Variants in B9D1 observed in about 807,000 individuals in gnomAD.
B9D1 encodes the protein B9 domain-containing protein 1.
A neutral mutation model predicts 26.1 loss-of-function variants in B9D1; 20 were observed. The observed-to-expected ratio is 0.77, with a 90% CI of 0.54 to 1.12. The LOEUF (loss-of-function observed/expected upper bound fraction) is 1.12. B9D1 is among the 50% of genes most tolerant of loss of function. The pLI, the probability that B9D1 is intolerant of heterozygous loss-of-function variation, is 0.00. For missense variants in B9D1, 260 were observed against 273.7 expected (o/e 0.95, Z 0.35); for synonymous variants, 105 against 103.1 (o/e 1.02, Z -0.11).
Position 19,343,868 on chromosome 17 carries a change from A to G in B9D1, c.405-11T>C. 6.2e-7 allele frequency: 1 copy of G among 1,613,834 alleles called. No individual in the cohort carries two copies. ...CGCCCCATGAACCAGCTGGGAACAC[A>G]GAAGAACACAGGTGAGCAGGGCCCC... On this transcript the variant is annotated splice_polypyrimidine_tract_variant and intron_variant, in intron 5 of 6. Transcript: ENST00000261499.
chr17:19,337,857 T>G, downstream of B9D1: 3 of 363,260 alleles, frequency 8.3e-6, no homozygotes, highest in Non-Finnish European at 1.8e-5. Flanking sequence ...TCGGCCCCCA[T>G]CCAGATGTGG....
intron 3 of B9D1, among the ~76,000 whole-genome samples, chr17:19,348,269 G>A (rs1364366304): frequency 2.0e-5 from 3 of 152,148 alleles, no homozygotes; most frequent in Non-Finnish European, 4.4e-5. Flanking sequence ...GCGGGCTCAT[G>A]GGACTGAGGT....
At chr17:19,374,969 AC>A (rs1463733210) in intron 1 of B9D1, among the ~76,000 whole-genome samples, 3 of 152,232 alleles carry the variant, frequency 2.0e-5, no homozygotes, top group Non-Finnish European at 4.4e-5. Context: ...TGACAGCTCA[AC>A]AATAAAAAGG....
upstream of B9D1, among the ~76,000 whole-genome samples, chr17:19,363,317 G>A (rs1289458627): frequency 6.6e-6 from 1 of 152,250 alleles, no homozygotes; most frequent in Non-Finnish European, 1.5e-5. Context: ...GCAGCGGGCG[G>A]CGCCTGGCAC....
At chr17:19,351,966 C>T (rs1056569337) in intron 3 of B9D1, among the ~76,000 whole-genome samples, 1 of 151,922 alleles carries the variant, frequency 6.6e-6, no homozygotes, top group Non-Finnish European at 1.5e-5. Context: ...GCTCACTACA[C>T]CCCCAAACTC....
chr17:19,346,803 G>A, intron 5 of B9D1: 2 of 861,624 alleles, frequency 2.3e-6, no homozygotes, highest in Non-Finnish European at 1.6e-6. Flanking sequence ...CAGCCTGGCA[G>A]GCACTGTTCC....
downstream of B9D1, among the ~76,000 whole-genome samples, chr17:19,340,135 TG>T (rs1254895765): frequency 2.6e-5 from 4 of 151,056 alleles, no homozygotes; most frequent in Non-Finnish European, 4.4e-5. Context: ...AGGAGCTTTG[TG>T]AAGTGACAGT....
Position 19,362,496 on chromosome 17 carries a change from C to A in B9D1, c.63+11G>T. ...GGGGGGCGGGCCCCGGCGGGGTCCA[C>A]GGCCGCTCACCTGGGCGCTCTCCAC... On this transcript the variant is annotated intron_variant, in intron 1 of 6. Transcript: ENST00000261499. 6.4e-7 allele frequency: 1 copy of A among 1,555,796 alleles called. No homozygotes were observed. Among genetic ancestry groups the A allele is most frequent in the South Asian group, 1.2e-5 (1 of 84,806 alleles).
chr17:19,341,062 C>T, downstream of B9D1: 4 of 1,155,758 alleles, frequency 3.5e-6, no homozygotes, highest in Non-Finnish European at 3.2e-6. Flanking sequence ...GTGGTGTTCA[C>T]TGTAAAATGA....
chr17:19,344,449 G>GCCCCAGA lies in B9D1; in HGVS notation c.405-599_405-593dup, dbSNP rs1908443474. The stretch of plus-strand genomic sequence containing the variant: ...CCAGGCTGAGCATGCGCCCTCCCCA[G>GCCCCAGA]CCCCAGACCCCAGTTGGGCCAGGCG... On this transcript the variant is annotated intron_variant, in intron 5 of 6. Transcript: ENST00000261499. 4 of 255,384 alleles carry GCCCCAGA rather than the reference G, an allele frequency of 1.6e-5. No homozygotes were observed. In the Admixed American group the frequency reaches 2.2e-4, roughly 14 times the overall value. 15.8% of individuals were successfully genotyped at this position (255,384 alleles called of 1,614,324 possible). A position where few individuals can be genotyped will look rare whatever the true frequency, so the allele number is the denominator to read the frequency against.
chr17:19,348,005 T>C, intron 3 of B9D1, 125 bp from the exon 4 acceptor site: 1 of 804,718 alleles, frequency 1.2e-6, no homozygotes, highest in Non-Finnish European at 2.1e-6. Context: ...GGTGGCAGGC[T>C]TGAGAGGGGA....
intron 1 of B9D1, 35 bp downstream of exon 1, chr17:19,362,472 G>C: frequency 6.6e-7 from 1 of 1,505,770 alleles, no homozygotes. Flanking sequence ...GGGGACGCTG[G>C]GGGGCGGGCC....
chr17:19,362,893 G>A, upstream of B9D1: 1 of 477,832 alleles, frequency 2.1e-6, no homozygotes, highest in Non-Finnish European at 3.8e-6. Context: ...CGCGCAGGGA[G>A]TGTGTGTTCA....
chr17:19,335,212 A>G, downstream of B9D1: 1 of 435,454 alleles, frequency 2.3e-6, no homozygotes, highest in East Asian at 3.4e-5. Context: ...CCTAGCCTCC[A>G]GTTGCCTTTT....
rs1911933933 is a variant in B9D1 at position 19,372,259 on chromosome 17, G to A, written c.-298+5600C>T. 6.6e-6 allele frequency: 1 copy of A among 152,284 alleles called. No homozygotes were observed. Among genetic ancestry groups the A allele is most frequent in the African/African-American group, 2.4e-5 (1 of 41,458 alleles). 9.4% of individuals were successfully genotyped at this position (152,284 alleles called of 1,614,324 possible). ...TAATTCCTCGAGTCCACAAAACAATGCAACCAGGTGGATCTGAACATCCCC... is the reference window on the plus strand; with the variant it reads ...TAATTCCTCGAGTCCACAAAACAATACAACCAGGTGGATCTGAACATCCCC... On this transcript the variant is annotated intron_variant, in intron 1 of 5. Transcript: ENST00000477478. This position sits in a 1 kb window ranked among gnomAD's most constrained non-coding sequence, Gnocchi z 4.4.
At chr17:19,352,500 CA>C (rs1486110641) in intron 3 of B9D1, among the ~76,000 whole-genome samples, 7 of 150,994 alleles carry the variant, frequency 4.6e-5, no homozygotes, top group African/African-American at 1.7e-4. Flanking sequence ...AGGCACCTGC[CA>C]CGGGCCTGGC....
At chr17:19,346,804 G>T in intron 5 of B9D1, 1 of 866,840 alleles carries the variant, frequency 1.2e-6, no homozygotes, top group Non-Finnish European at 1.6e-6. Flanking sequence ...AGCCTGGCAG[G>T]CACTGTTCCC....
downstream of B9D1, among the ~76,000 whole-genome samples, chr17:19,338,258 A>G (rs762768873): frequency 1.3e-5 from 2 of 152,220 alleles, no homozygotes; most frequent in Non-Finnish European, 2.9e-5. Context: ...AAAGGACCTG[A>G]TGGTGCCCTG....
chr17:19,337,728 G>T (rs777184315), downstream of B9D1: 3 of 1,534,882 alleles, frequency 2.0e-6, no homozygotes, highest in Admixed American at 2.0e-5. Context: ...TGCTATCTTT[G>T]ACAGACAGCC....
Sources: allele counts gnomAD v4.1 joint callset (sites outside exome capture counted in the v4.1 genomes callset), GRCh38; gene constraint gnomAD v4.1.1; non-coding constraint Gnocchi (gnomAD v3.1); transcripts MANE v1.5; gene names NCBI Gene and HGNC (gene_info 2026-07-23, HGNC 2026-07-21).